Variants in METTL25 observed in about 807,000 individuals in gnomAD.
METTL25 encodes probable methyltransferase-like protein 25.
Under a neutral mutation model 71.6 loss-of-function variants are expected in METTL25, and 64 were observed. The ratio of observed to expected loss-of-function variants is 0.89; its 90% CI spans 0.73 to 1.10. The LOEUF (loss-of-function observed/expected upper bound fraction) is 1.10, where lower values mean the gene tolerates loss of function less well. METTL25 is among the 50% of genes least tolerant of loss of function. The pLI is 0.00. For missense variants in METTL25, 807 were observed against 707.0 expected (o/e 1.14, Z -1.60); for synonymous variants, 287 against 250.3 (o/e 1.15, Z -1.38).
intron 7 of METTL25, among the ~76,000 whole-genome samples, chr12:82,436,447 G>A (rs982411165): frequency 1.3e-5 from 2 of 151,534 alleles, no homozygotes; most frequent in Admixed American, 6.6e-5. Context: ...GACTGTTCAG[G>A]AGATACTGAT....
At chr12:82,477,431 G>C (rs371493337) in intron 11 of METTL25, 79 bp downstream of exon 11, 2 of 673,192 alleles carry the variant, frequency 3.0e-6, no homozygotes, top group East Asian at 2.9e-5. Flanking sequence ...TCTAGGATAA[G>C]AGTCTTTCAC....
intron 9 of METTL25, among the ~76,000 whole-genome samples, chr12:82,460,217 AC>A (rs1363326389): frequency 6.6e-6 from 1 of 152,044 alleles, no homozygotes; most frequent in Admixed American, 6.5e-5. Flanking sequence ...GCTTGTCTAG[AC>A]CCCCCTTATA....
intron 1 of METTL25, among the ~76,000 whole-genome samples, chr12:82,363,693 C>A (rs1882220259): frequency 6.7e-6 from 1 of 149,528 alleles, no homozygotes. Flanking sequence ...AATAAAGTAT[C>A]TGCCATTCCA....
Position 82,438,791 on chromosome 12 carries a change from G to C in METTL25, c.1478G>C (p.Cys493Ser). 6.7e-7 allele frequency: 1 copy of C among 1,487,080 alleles called. No individual in the cohort carries two copies. The highest frequency in any genetic ancestry group is 9.2e-7 in the Non-Finnish European group (1 of 1,087,854). 92.1% of individuals were successfully genotyped at this position (1,487,080 alleles called of 1,614,324 possible). ...IIKDCYGITK[C>S]DRHVGKIYSK... ...AAAGATTGTTATGGCATCACCAAAT[G>C]GTATGAGGATTTTATTTTAATAAGA... The change falls in exon 8 of 12, where the codon TGT becomes TCT. Residue 493 changes from cysteine to serine, a missense_variant and splice_region_variant. Coordinates refer to ENST00000248306, the MANE Select transcript of METTL25 (RefSeq NM_032230.3).
At chr12:82,436,922 G>A (rs1217487291) in intron 7 of METTL25, among the ~76,000 whole-genome samples, 4 of 151,494 alleles carry the variant, frequency 2.6e-5, no homozygotes, top group South Asian at 2.1e-4. Flanking sequence ...GTAGACTTGC[G>A]AAAGTGACTT....
At chr12:82,408,457 T>C (rs1445558442) in intron 5 of METTL25, among the ~76,000 whole-genome samples, 3 of 151,998 alleles carry the variant, frequency 2.0e-5, no homozygotes, top group Non-Finnish European at 2.9e-5. Flanking sequence ...GGGTCATAAA[T>C]AGGGAATGAA....
At chr12:82,361,474 T>TTGTTGGGGAGG (rs1881877879) in intron 1 of METTL25, among the ~76,000 whole-genome samples, 2 of 152,038 alleles carry the variant, frequency 1.3e-5, no homozygotes, top group African/African-American at 4.8e-5. Context: ...GAGGCGGTGC[T>TTGTTGGGGAGG]CGTTGGGGAG....
At chr12:82,366,575 A>ATT (rs755507690) in intron 1 of METTL25, among the ~76,000 whole-genome samples, 33 of 127,480 alleles carry the variant, frequency 2.6e-4, no homozygotes, top group African/African-American at 7.7e-4. Flanking sequence ...GCTTGTCTTT[A>ATT]TTTTTTTTTT....
At chr12:82,426,478 A>G (rs1342077657) in intron 5 of METTL25, among the ~76,000 whole-genome samples, 1 of 152,002 alleles carries the variant, frequency 6.6e-6, no homozygotes, top group Non-Finnish European at 1.5e-5. Flanking sequence ...CAGGTGCATC[A>G]AGGAAGACTG....
At position 82,398,009 on chromosome 12, in the gene METTL25, A is replaced by G. The variant is rs180857416; in HGVS notation, c.532-786A>G. Among the ~76,000 whole-genome samples, 3 of 152,128 alleles carry G rather than the reference A, an allele frequency of 2.0e-5. No homozygotes were observed. The East Asian group carries it at 5.8e-4, about 29-fold the overall frequency. On this transcript the variant is annotated intron_variant, in intron 3 of 11. Coordinates refer to ENST00000248306, the MANE Select transcript of METTL25 (RefSeq NM_032230.3). ...TATCTACTTATCAATTTCTTTACAA[A>G]GCTTAGCTAGGATTTTAATTAGGAT...
chr12:82,377,658 AT>A (rs1565808568), intron 1 of METTL25, among the ~76,000 whole-genome samples: 1 of 152,230 alleles, frequency 6.6e-6, no homozygotes, highest in East Asian at 1.9e-4. Context: ...TCTGCTTTGA[AT>A]ATTTAAAATA....
At chr12:82,454,762 T>C (rs1456783107) in intron 8 of METTL25, among the ~76,000 whole-genome samples, 1 of 151,980 alleles carries the variant, frequency 6.6e-6, no homozygotes, top group Non-Finnish European at 1.5e-5. Flanking sequence ...ATATTCTCTC[T>C]TACACTTACA....
chr12:82,442,803 T>C (rs1250817886), intron 8 of METTL25, among the ~76,000 whole-genome samples: 3 of 152,154 alleles, frequency 2.0e-5, no homozygotes, highest in African/African-American at 7.2e-5. Flanking sequence ...TAAAGAACTA[T>C]GCTCAATATG....
At chr12:82,435,795 C>T (rs1302958675) in intron 7 of METTL25, among the ~76,000 whole-genome samples, 1 of 151,320 alleles carries the variant, frequency 6.6e-6, no homozygotes. Flanking sequence ...CAATAAATGC[C>T]AACTGTTGTT....
chr12:82,408,841 A>C (rs1023678368), intron 5 of METTL25, among the ~76,000 whole-genome samples: 2 of 152,122 alleles, frequency 1.3e-5, no homozygotes, highest in Admixed American at 6.6e-5. Context: ...CAAAGTTAGC[A>C]TATTTCCTGT....
chr12:82,391,226 T>C (rs916674977), intron 3 of METTL25, among the ~76,000 whole-genome samples: 1 of 151,944 alleles, frequency 6.6e-6, no homozygotes, highest in Admixed American at 6.6e-5. Flanking sequence ...AGATTTTATA[T>C]AGAAACCAAG....
intron 9 of METTL25, among the ~76,000 whole-genome samples, chr12:82,469,932 T>C (rs1209117267): frequency 6.6e-6 from 1 of 152,114 alleles, no homozygotes; most frequent in Admixed American, 6.5e-5. Flanking sequence ...GTCAGCCTCA[T>C]TGTTAATATA....
chr12:82,423,169 G>C (rs929970568), intron 5 of METTL25, among the ~76,000 whole-genome samples: 4 of 152,100 alleles, frequency 2.6e-5, no homozygotes, highest in African/African-American at 9.7e-5. Flanking sequence ...AACCAAAACA[G>C]CATGGTACTA....
At chr12:82,449,730 T>G (rs1469220144) in intron 8 of METTL25, among the ~76,000 whole-genome samples, 4 of 152,176 alleles carry the variant, frequency 2.6e-5, no homozygotes, top group African/African-American at 7.2e-5. Context: ...CTGAGCTCCT[T>G]GATGACCATT....
Sources: allele counts gnomAD v4.1 joint callset (sites outside exome capture counted in the v4.1 genomes callset), GRCh38; gene constraint gnomAD v4.1.1; transcripts MANE v1.5; gene names NCBI Gene and HGNC (gene_info 2026-07-23, HGNC 2026-07-21).